Variants in TNFSF4 observed in about 807,000 individuals in gnomAD.
TNFSF4 encodes tumor necrosis factor ligand superfamily member 4.
A neutral mutation model predicts 7.3 loss-of-function variants in TNFSF4; 4 were observed. That is an observed-to-expected ratio of 0.55 (90% CI 0.27 to 1.25). TNFSF4 has a LOEUF of 1.25. TNFSF4 is among the 50% of genes most tolerant of loss of function. The pLI is 0.12. For missense variants in TNFSF4, 181 were observed against 208.8 expected (o/e 0.87, Z 0.82); for synonymous variants, 76 against 83.7 (o/e 0.91, Z 0.50).
At chr1:173,300,996 A>G in the TNFSF4 span, among the ~76,000 whole-genome samples, 1 of 151,940 alleles carries the variant, frequency 6.6e-6, no homozygotes, top group Non-Finnish European at 1.5e-5. Context: ...CCATTCTTAC[A>G]GTTTTATGCA....
At chr1:173,428,191 C>T in the TNFSF4 span, among the ~76,000 whole-genome samples, 1 of 151,996 alleles carries the variant, frequency 6.6e-6, no homozygotes, top group Non-Finnish European at 1.5e-5. Flanking sequence ...GTGATCCACC[C>T]GCCTCAGCCT....
upstream of TNFSF4, among the ~76,000 whole-genome samples, chr1:173,212,248 G>T (rs1374016301): frequency 6.6e-6 from 1 of 152,012 alleles, no homozygotes; most frequent in African/African-American, 2.4e-5. Context: ...TTCCCATTAG[G>T]CCCCACTTCC....
chr1:173,411,409 T>C, the TNFSF4 span, among the ~76,000 whole-genome samples: 1 of 152,238 alleles, frequency 6.6e-6, no homozygotes, highest in Non-Finnish European at 1.5e-5. Context: ...ATCTGGACTA[T>C]AAGAAGGTAT....
At chr1:173,182,620 T>A (rs1338655485), downstream of TNFSF4, among the ~76,000 whole-genome samples, 2 of 152,220 alleles carry the variant, frequency 1.3e-5, no homozygotes, top group Admixed American at 1.3e-4. Flanking sequence ...GCTAATACGA[T>A]GCCTGGCACA....
the TNFSF4 span, among the ~76,000 whole-genome samples, chr1:173,258,577 C>T: frequency 2.6e-3 from 398 of 152,294 alleles, 2 homozygotes; most frequent in South Asian, 8.3e-3. Flanking sequence ...TTGTGGCCTG[C>T]AGCAGCAGTT....
the TNFSF4 span, among the ~76,000 whole-genome samples, chr1:173,346,334 A>C: frequency 2.0e-5 from 3 of 152,208 alleles, no homozygotes; most frequent in Non-Finnish European, 4.4e-5. Context: ...GTTAGACCAC[A>C]GTACCAACCA....
the TNFSF4 span, among the ~76,000 whole-genome samples, chr1:173,395,970 A>G: frequency 6.6e-6 from 1 of 152,062 alleles, no homozygotes; most frequent in African/African-American, 2.4e-5. Context: ...ATTAACCCTG[A>G]ATTTCCTAGG....
chr1:173,424,929 G>A, the TNFSF4 span, among the ~76,000 whole-genome samples: 3 of 152,108 alleles, frequency 2.0e-5, no homozygotes, highest in Non-Finnish European at 4.4e-5. Flanking sequence ...CATGCAATAA[G>A]GTGGCACACC....
chr1:173,176,189 G>A, the TNFSF4 span, among the ~76,000 whole-genome samples: 5,145 of 151,982 alleles, frequency 0.034, 274 homozygotes, highest in African/African-American at 0.12. Flanking sequence ...AATCATATCC[G>A]TAAAAACTAA....
upstream of TNFSF4, among the ~76,000 whole-genome samples, chr1:173,209,784 T>C (rs1310964564): frequency 1.3e-5 from 2 of 152,196 alleles, no homozygotes; most frequent in African/African-American, 4.8e-5. Context: ...TTTATAGGCA[T>C]CAGCCACCAA....
the TNFSF4 span, among the ~76,000 whole-genome samples, chr1:173,443,555 G>A: frequency 6.6e-6 from 1 of 152,136 alleles, no homozygotes. Context: ...TTCGAAGAAA[G>A]ATAGATGTAG....
chr1:173,391,414 T>C, the TNFSF4 span, among the ~76,000 whole-genome samples: 5 of 120,618 alleles, frequency 4.1e-5, no homozygotes, highest in East Asian at 8.7e-4. Flanking sequence ...CCCATTAGCA[T>C]AGTCTATCTT....
chr1:173,194,798 G>A (rs1415071382), intron 1 of TNFSF4, among the ~76,000 whole-genome samples: 1 of 151,536 alleles, frequency 6.6e-6, no homozygotes, highest in Non-Finnish European at 1.5e-5. Flanking sequence ...GGGAAGCTAA[G>A]GTGGGAGGAT....
chr1:173,352,032 T>G, the TNFSF4 span: 1 of 368,084 alleles, frequency 2.7e-6, no homozygotes, highest in African/African-American at 2.1e-5. Context: ...ATACAAGTTT[T>G]GATTAAAATT....
chr1:173,335,503 G>A, the TNFSF4 span, among the ~76,000 whole-genome samples: 2 of 152,198 alleles, frequency 1.3e-5, no homozygotes, highest in Non-Finnish European at 2.9e-5. Context: ...CAAGGGGGAT[G>A]TGATTACCAT....
the TNFSF4 span, among the ~76,000 whole-genome samples, chr1:173,324,585 C>G: frequency 1.3e-5 from 2 of 152,186 alleles, no homozygotes; most frequent in Admixed American, 1.3e-4. Context: ...AATAAAGAGT[C>G]AAGACCCATC....
the TNFSF4 span, among the ~76,000 whole-genome samples, chr1:173,351,491 C>T: frequency 1.3e-5 from 2 of 152,170 alleles, no homozygotes; most frequent in Non-Finnish European, 2.9e-5. Context: ...GCAGTTGTTG[C>T]TTCGGTCAGA....
the TNFSF4 span, among the ~76,000 whole-genome samples, chr1:173,332,496 A>G: frequency 4.3e-4 from 65 of 151,714 alleles, no homozygotes; most frequent in Non-Finnish European, 9.0e-4. Flanking sequence ...GTGCCATTGC[A>G]CTCCAGCCTG....
chr1:173,256,203 A>G, the TNFSF4 span, among the ~76,000 whole-genome samples: 5 of 152,314 alleles, frequency 3.3e-5, no homozygotes, highest in East Asian at 1.9e-4. Flanking sequence ...CATAATTAAC[A>G]TTAAATATTA....
Sources: gnomAD v4.1 joint callset for allele counts (sites outside exome capture counted in the v4.1 genomes callset) on GRCh38, gnomAD v4.1.1 for gene constraint, MANE v1.5 for transcripts, NCBI Gene and HGNC (gene_info 2026-07-23, HGNC 2026-07-21) for gene names.